The following NEGR1 variants were observed in gnomAD, a reference collection of about 807,000 sequenced individuals.
NEGR1 encodes IgLON family member 4.
NEGR1 carries 10 observed loss-of-function variants against 40.9 expected under a neutral mutation model. That is an observed-to-expected ratio of 0.24 (90% CI 0.15 to 0.42). The LOEUF (loss-of-function observed/expected upper bound fraction) is 0.42. NEGR1 is among the 10% of genes least tolerant of loss of function. The pLI is 1.00. For synonymous variants in NEGR1, 185 were observed against 166.8 expected, an observed-to-expected ratio of 1.11 and a Z score of -0.84; for missense variants, 352 against 438.9, an observed-to-expected ratio of 0.80 and a Z score of 1.77.
At chr1:72,096,637 G>T (rs1557524594) in intron 1 of NEGR1, among the ~76,000 whole-genome samples, 1 of 150,376 alleles carries the variant, frequency 6.6e-6, no homozygotes, top group East Asian at 1.9e-4. Flanking sequence ...TCTTGTAGTT[G>T]TATCTTTTAC....
At chr1:72,067,425 C>T (rs1647302436) in intron 1 of NEGR1, among the ~76,000 whole-genome samples, 1 of 152,006 alleles carries the variant, frequency 6.6e-6, no homozygotes, top group African/African-American at 2.4e-5. Flanking sequence ...AGATAAAATG[C>T]ATATTCTAAC....
intron 4 of NEGR1, among the ~76,000 whole-genome samples, chr1:71,645,961 TC>T (rs1250037863): frequency 6.6e-6 from 1 of 151,716 alleles, no homozygotes; most frequent in African/African-American, 2.4e-5. Context: ...AATAATTACA[TC>T]TCAGAATTTT....
At chr1:72,200,507 G>A (rs1284108321) in intron 1 of NEGR1, among the ~76,000 whole-genome samples, 3 of 151,838 alleles carry the variant, frequency 2.0e-5, no homozygotes, top group African/African-American at 7.2e-5. Context: ...AGATATTGTA[G>A]ACTCATTGAG....
intron 1 of NEGR1, among the ~76,000 whole-genome samples, chr1:72,205,515 T>TAGAAGA (rs1167522857): frequency 4.2e-4 from 63 of 150,928 alleles, no homozygotes; most frequent in African/African-American, 1.4e-3. Context: ...GTTATAGTCT[T>TAGAAGA]CTAAGATTTT....
intron 1 of NEGR1, among the ~76,000 whole-genome samples, chr1:72,108,678 C>A (rs928040530): frequency 6.6e-6 from 1 of 151,386 alleles, no homozygotes; most frequent in Non-Finnish European, 1.5e-5. Flanking sequence ...GCATAATTTA[C>A]GGGAGATTAT....
At chr1:71,683,995 G>C (rs116537530) in intron 4 of NEGR1, among the ~76,000 whole-genome samples, 2,835 of 152,194 alleles carry the variant, frequency 0.019, 56 homozygotes, top group Non-Finnish European at 0.025. Context: ...GCGGGGCTGA[G>C]TGCAGTGGCT....
intron 6 of NEGR1, among the ~76,000 whole-genome samples, chr1:71,480,931 G>A (rs1026974442): frequency 1.3e-5 from 2 of 151,832 alleles, no homozygotes; most frequent in African/African-American, 4.8e-5. Flanking sequence ...TAAAGATTGG[G>A]TACTGAGTCT....
At chr1:71,491,778 T>C (rs567921507) in intron 6 of NEGR1, among the ~76,000 whole-genome samples, 11 of 152,164 alleles carry the variant, frequency 7.2e-5, no homozygotes, top group African/African-American at 2.2e-4. Flanking sequence ...ACACACCAAA[T>C]GTATAAAACA....
chr1:71,832,210 G>T (rs1658866215), intron 2 of NEGR1, among the ~76,000 whole-genome samples: 1 of 151,878 alleles, frequency 6.6e-6, no homozygotes, highest in Non-Finnish European at 1.5e-5. Context: ...TGAATGAGAG[G>T]GAAGAATAAA....
chr1:71,730,344 A>G (rs1001909518), intron 3 of NEGR1, among the ~76,000 whole-genome samples: 1 of 151,978 alleles, frequency 6.6e-6, no homozygotes, highest in Non-Finnish European at 1.5e-5. Context: ...AAATAGGTCT[A>G]CATGTCTAAC....
chr1:71,828,897 A>G (rs1658738210), intron 2 of NEGR1, among the ~76,000 whole-genome samples: 1 of 151,980 alleles, frequency 6.6e-6, no homozygotes, highest in Non-Finnish European at 1.5e-5. Flanking sequence ...GAGCCATGAG[A>G]CAAGGCTGAG....
chr1:72,119,596 G>A (rs1418996208), intron 1 of NEGR1, among the ~76,000 whole-genome samples: 2 of 151,830 alleles, frequency 1.3e-5, no homozygotes, highest in Admixed American at 6.6e-5. Context: ...TCATATTGTC[G>A]TGTATATCAG....
intron 1 of NEGR1, among the ~76,000 whole-genome samples, chr1:72,024,725 A>T (rs1368236191): frequency 2.0e-5 from 3 of 152,184 alleles, no homozygotes; most frequent in Non-Finnish European, 4.4e-5. Flanking sequence ...CAAGGTTATC[A>T]CTGCAGTCAG....
intron 6 of NEGR1, chr1:71,489,869 A>G (rs551356883): frequency 3.1e-4 from 47 of 152,034 alleles, no homozygotes; most frequent in African/African-American, 1.1e-3. Flanking sequence ...ATTGTTCTCA[A>G]TTCATCACAG....
intron 6 of NEGR1, among the ~76,000 whole-genome samples, chr1:71,570,325 C>A (rs979731932): frequency 1.3e-5 from 2 of 152,096 alleles, no homozygotes; most frequent in Non-Finnish European, 2.9e-5. Context: ...ATAAATTTGT[C>A]CTCCTTGCTT....
intron 3 of NEGR1, among the ~76,000 whole-genome samples, chr1:71,769,666 T>C (rs1263729775): frequency 1.3e-5 from 2 of 152,192 alleles, no homozygotes; most frequent in African/African-American, 4.8e-5. Flanking sequence ...ACCATGATTG[T>C]AAGTTTCCTG....
At chr1:71,590,234 C>A (rs1490959301) in intron 6 of NEGR1, among the ~76,000 whole-genome samples, 1 of 152,068 alleles carries the variant, frequency 6.6e-6, no homozygotes, top group Non-Finnish European at 1.5e-5. Context: ...TGAGCTCCTG[C>A]AAAGTTCTGC....
intron 1 of NEGR1, among the ~76,000 whole-genome samples, chr1:72,230,939 T>C (rs1654343838): frequency 6.6e-6 from 1 of 152,158 alleles, no homozygotes; most frequent in South Asian, 2.1e-4. Flanking sequence ...GATGTGCACT[T>C]TTCTAACAAT....
Position 71,816,436 on chromosome 1 carries a change from T to C in NEGR1, c.410-40139A>G, listed in dbSNP as rs149177289. On this transcript the variant is annotated intron_variant, in intron 2 of 6. Coordinates refer to ENST00000357731, the MANE Select transcript of NEGR1 (RefSeq NM_173808.3). ...ACAGTGCCACATGGCTAGGGAGGCC[T>C]CACAATCATGGCAGAAGGTGAAGGA... 6.5e-3 allele frequency among the ~76,000 whole-genome samples: 982 copies of C among 152,176 alleles called. 12 individuals carry two copies. The highest frequency in any genetic ancestry group is 0.023 in the African/African-American group (948 of 41,536).
Sources: gnomAD v4.1 joint callset for allele counts (sites outside exome capture counted in the v4.1 genomes callset) on GRCh38, gnomAD v4.1.1 for gene constraint, MANE v1.5 for transcripts, NCBI Gene and HGNC (gene_info 2026-07-23, HGNC 2026-07-21) for gene names.